HHAT: variants seen among roughly 807,000 people sequenced by gnomAD.
HHAT encodes protein-cysteine N-palmitoyltransferase HHAT.
HHAT carries 47 observed loss-of-function variants against 70.8 expected under a neutral mutation model. The observed-to-expected ratio is 0.66, with a 90% confidence interval of 0.53 to 0.85. The LOEUF (loss-of-function observed/expected upper bound fraction) is 0.85. HHAT is among the 40% of genes least tolerant of loss of function. The probability of loss-of-function intolerance (pLI) is 0.00; values close to 1 mark genes in which losing one functional copy is unlikely to be tolerated. For missense variants in HHAT, 609 were observed against 604.8 expected (o/e 1.01, Z -0.07); for synonymous variants, 228 against 247.6 (o/e 0.92, Z 0.74).
intron 3 of HHAT, among the ~76,000 whole-genome samples, chr1:210,367,100 C>A (rs938878602): frequency 5.9e-5 from 9 of 152,286 alleles, no homozygotes; most frequent in African/African-American, 2.2e-4. Context: ...GAACAATGGC[C>A]ACAGATTGAG....
intron 2 of HHAT, among the ~76,000 whole-genome samples, chr1:210,349,566 A>T (rs2086827058): frequency 6.6e-6 from 1 of 151,042 alleles, no homozygotes. Flanking sequence ...TCCTGCTCAC[A>T]CCCAACTGGC....
intron 7 of HHAT, among the ~76,000 whole-genome samples, chr1:210,450,422 C>A (rs938916941): frequency 6.6e-6 from 1 of 152,078 alleles, no homozygotes; most frequent in African/African-American, 2.4e-5. Flanking sequence ...TCAAACATTT[C>A]TTCTGTGAAA....
intron 8 of HHAT, among the ~76,000 whole-genome samples, chr1:210,501,888 C>T (rs1255628521): frequency 6.6e-6 from 1 of 151,152 alleles, no homozygotes; most frequent in Non-Finnish European, 1.5e-5. Flanking sequence ...TACCCCCACC[C>T]TTTTTTTTTA....
intron 10 of HHAT, among the ~76,000 whole-genome samples, chr1:210,599,369 T>C (rs1359592605): frequency 6.6e-6 from 1 of 152,178 alleles, no homozygotes; most frequent in African/African-American, 2.4e-5. Flanking sequence ...ATTAATGCCC[T>C]TGGCACCTCA....
At chr1:210,494,449 C>T (rs747314619) in intron 8 of HHAT, among the ~76,000 whole-genome samples, 8 of 150,132 alleles carry the variant, frequency 5.3e-5, no homozygotes, top group Non-Finnish European at 1.0e-4. Context: ...TAGCCTCAGC[C>T]GCTGGTAGGA....
At chr1:210,334,415 C>A (rs529989103) in intron 1 of HHAT, among the ~76,000 whole-genome samples, 2 of 151,898 alleles carry the variant, frequency 1.3e-5, no homozygotes, top group Non-Finnish European at 2.9e-5. Flanking sequence ...CTCAGCCTCC[C>A]AAAATGGTGG....
chr1:210,400,507 T>A lies in HHAT; in HGVS notation c.313T>A (p.Cys105Ser). The A allele has an allele frequency of 6.2e-7, 1 of 1,613,952 alleles. No individual in the cohort carries two copies. Among genetic ancestry groups the A allele is most frequent in the Non-Finnish European group, 8.5e-7 (1 of 1,179,932 alleles). The change falls in exon 5 of 12, where the codon TGC (cysteine) becomes AGC (serine). Residue 105 changes from cysteine (C) to serine (S), a missense_variant. By Grantham distance (112) the Cys-to-Ser change is moderately radical. Transcript: ENST00000261458. ...WILMLYGMWA[C>S]WCVLGTPGVA... ...TCTCATGCTCTATGGGATGTGGGCCTGCTGGTGTGTGCTGGGGACCCCTGG... is the reference window on the plus strand; with the variant it reads ...TCTCATGCTCTATGGGATGTGGGCCAGCTGGTGTGTGCTGGGGACCCCTGG...
At chr1:210,657,892 T>G (rs908405101) in intron 11 of HHAT, among the ~76,000 whole-genome samples, 5 of 152,186 alleles carry the variant, frequency 3.3e-5, no homozygotes, top group African/African-American at 1.2e-4. Context: ...GTCAATTGAC[T>G]ATGTTGCACA....
chr1:210,672,068 A>G (rs1301789218), intron 11 of HHAT, among the ~76,000 whole-genome samples: 2 of 152,196 alleles, frequency 1.3e-5, no homozygotes, highest in African/African-American at 4.8e-5. Flanking sequence ...AAGTCTTTAC[A>G]TCATTTCACT....
At chr1:210,327,444 T>C (rs2084659598), upstream of HHAT, among the ~76,000 whole-genome samples, 1 of 151,782 alleles carries the variant, frequency 6.6e-6, no homozygotes. Flanking sequence ...AAAAAATAAG[T>C]ATATCCCAAA....
intron 11 of HHAT, among the ~76,000 whole-genome samples, chr1:210,624,575 GC>G (rs896694789): frequency 6.6e-6 from 1 of 152,138 alleles, no homozygotes; most frequent in Non-Finnish European, 1.5e-5. Context: ...AATACTAGGG[GC>G]CAACCTTATG....
intron 11 of HHAT, among the ~76,000 whole-genome samples, chr1:210,652,242 G>T (rs751875133): frequency 3.9e-5 from 6 of 151,938 alleles, no homozygotes; most frequent in Non-Finnish European, 8.8e-5. Flanking sequence ...AAGAATGGAG[G>T]AATCAAAACA....
At chr1:210,528,989 T>G (rs1452884109) in intron 9 of HHAT, among the ~76,000 whole-genome samples, 1 of 152,160 alleles carries the variant, frequency 6.6e-6, no homozygotes, top group Non-Finnish European at 1.5e-5. Context: ...AGATCAAATT[T>G]TGTTAGAAAA....
intron 11 of HHAT, among the ~76,000 whole-genome samples, chr1:210,645,539 C>T (rs1331515646): frequency 1.3e-5 from 2 of 152,186 alleles, no homozygotes; most frequent in African/African-American, 4.8e-5. Context: ...ATCGCAAGTA[C>T]TGGATAGTAT....
chr1:210,346,363 A>T (rs2086527063), intron 1 of HHAT, among the ~76,000 whole-genome samples: 1 of 152,244 alleles, frequency 6.6e-6, no homozygotes, highest in Non-Finnish European at 1.5e-5. Context: ...TTATAAGCCA[A>T]GAAGTTAAAA....
At chr1:210,383,151 A>G (rs980642067) in intron 3 of HHAT, among the ~76,000 whole-genome samples, 1 of 152,090 alleles carries the variant, frequency 6.6e-6, no homozygotes, top group Non-Finnish European at 1.5e-5. Context: ...ACCAGCCTGG[A>G]CAATGTGGTG....
intron 9 of HHAT, among the ~76,000 whole-genome samples, chr1:210,579,599 G>A (rs776439189): frequency 2.0e-5 from 3 of 152,168 alleles, no homozygotes; most frequent in African/African-American, 4.8e-5. Context: ...TTTTAGTGCT[G>A]CTAGTGCATA....
intron 9 of HHAT, among the ~76,000 whole-genome samples, chr1:210,536,007 A>G (rs755170811): frequency 1.7e-4 from 26 of 152,220 alleles, no homozygotes; most frequent in Non-Finnish European, 3.4e-4. Flanking sequence ...AGATTAGGGC[A>G]TATGCATATC....
At chr1:210,615,760 T>C (rs762056493) in intron 10 of HHAT, among the ~76,000 whole-genome samples, 1 of 152,276 alleles carries the variant, frequency 6.6e-6, no homozygotes, top group Non-Finnish European at 1.5e-5. Context: ...CGAATATTGC[T>C]GAACAGCAAA....
Sources: allele counts gnomAD v4.1 joint callset (sites outside exome capture counted in the v4.1 genomes callset), GRCh38; gene constraint gnomAD v4.1.1; transcripts MANE v1.5; gene names NCBI Gene and HGNC (gene_info 2026-07-23, HGNC 2026-07-21).